MLIP: variants seen among roughly 807,000 people sequenced by gnomAD.
MLIP encodes muscular LMNA-interacting protein.
In MLIP, 79 loss-of-function variants were observed where a neutral mutation model predicts 84.8. That is an observed-to-expected ratio of 0.93 (90% CI 0.78 to 1.12). MLIP has a LOEUF of 1.12. Ranked by LOEUF, MLIP falls within the 50% of genes most tolerant of loss-of-function variation. MLIP has a pLI of 0.00. For synonymous variants in MLIP, 504 were observed against 463.0 expected, an observed-to-expected ratio of 1.09 and a Z score of -1.14; for missense variants, 1,257 against 1,160.6, an observed-to-expected ratio of 1.08 and a Z score of -1.21.
At chr6:54,243,881 A>T (rs1781902571) in intron 12 of MLIP, among the ~76,000 whole-genome samples, 1 of 152,160 alleles carries the variant, frequency 6.6e-6, no homozygotes, top group Non-Finnish European at 1.5e-5. Flanking sequence ...AAGCCCAAAG[A>T]TGCAAAGTGA....
At chr6:54,147,821 T>C (rs1773020936) in intron 4 of MLIP, among the ~76,000 whole-genome samples, 1 of 152,180 alleles carries the variant, frequency 6.6e-6, no homozygotes, top group African/African-American at 2.4e-5. Flanking sequence ...TGACTTTCTA[T>C]GACACTTGCT....
chr6:54,254,933 A>G (rs1782905724), intron 12 of MLIP, among the ~76,000 whole-genome samples: 1 of 151,930 alleles, frequency 6.6e-6, no homozygotes, highest in Non-Finnish European at 1.5e-5. Flanking sequence ...TCCCCTACTT[A>G]AAGTACTTGA....
At position 54,149,146 on chromosome 6, in the gene MLIP, A is replaced by G. The variant is rs1480813412; in HGVS notation, c.2289+19A>G. The G allele has an allele frequency of 1.3e-6, 2 of 1,594,808 alleles. No individual in the cohort carries two copies. Among genetic ancestry groups the G allele is most frequent in the South Asian group, 2.3e-5 (2 of 88,110 alleles). Reference sequence around the variant, plus strand: ...ACAGAAGGTCAGTGTTGGCTCAAAAACAGTGAATTTTACATTTTTAATGTG... The same window carrying G: ...ACAGAAGGTCAGTGTTGGCTCAAAAGCAGTGAATTTTACATTTTTAATGTG... On this transcript the variant is annotated intron_variant, in intron 5 of 13. Coordinates refer to ENST00000502396, the MANE Select transcript of MLIP (RefSeq NM_001281747.2).
chr6:54,121,679 A>C lies in MLIP; in HGVS notation c.252+77A>C, dbSNP rs1002749825. On this transcript the variant is annotated intron_variant, in intron 2 of 13. Transcript: ENST00000502396. ...ATAATGATGACTTGGAAATTTGTGT[A>C]TATTTCCTGTGCTTAAATTAAGGTG... is the stretch of plus-strand genomic sequence containing the variant. 119 of 1,145,238 alleles carry C rather than the reference A, an allele frequency of 1.0e-4. No individual in the cohort carries two copies. In the Middle Eastern group the frequency reaches 2.4e-3, roughly 23 times the overall value. The allele number at this position is 1,145,238 out of a possible 1,614,324, so 70.9% of individuals were successfully genotyped here. A position where few individuals can be genotyped will look rare whatever the true frequency, so the allele number is the denominator to read the frequency against.
At chr6:54,233,403 C>A (rs1339578258) in intron 12 of MLIP, among the ~76,000 whole-genome samples, 1 of 151,816 alleles carries the variant, frequency 6.6e-6, no homozygotes, top group Non-Finnish European at 1.5e-5. Context: ...TGTTCAACTC[C>A]CACTTATGAG....
intron 12 of MLIP, among the ~76,000 whole-genome samples, chr6:54,251,747 A>T (rs1280120278): frequency 1.9e-5 from 2 of 103,178 alleles, no homozygotes; most frequent in African/African-American, 8.5e-5. Flanking sequence ...TATATATAAT[A>T]GCATATAATA....
chr6:54,156,299 T>C (rs1345497700), intron 5 of MLIP, among the ~76,000 whole-genome samples: 1 of 152,088 alleles, frequency 6.6e-6, no homozygotes, highest in African/African-American at 2.4e-5. Flanking sequence ...TTTTTAAAAA[T>C]ACAGCCTGAG....
At chr6:54,126,779 A>G (rs1770956409) in intron 3 of MLIP, among the ~76,000 whole-genome samples, 1 of 152,168 alleles carries the variant, frequency 6.6e-6, no homozygotes, top group Non-Finnish European at 1.5e-5. Context: ...ACAATATCAA[A>G]TTTTTAATCA....
At chr6:54,245,152 C>G (rs1781992732) in intron 12 of MLIP, among the ~76,000 whole-genome samples, 1 of 152,116 alleles carries the variant, frequency 6.6e-6, no homozygotes, top group African/African-American at 2.4e-5. Context: ...AGCCACCTGT[C>G]CCTTCTCCTT....
Position 54,137,074 on chromosome 6 carries a change from T to C in MLIP, c.1005T>C (p.His335=), listed in dbSNP as rs1456801932. 3.9e-6 allele frequency: 6 copies of C among 1,535,998 alleles called. No individual in the cohort carries two copies. Among genetic ancestry groups the C allele is most frequent in the Non-Finnish European group, 5.2e-6 (6 of 1,146,902 alleles). The change falls in exon 4 of 14, where the codon CAT becomes CAC. Residue 335 remains histidine, a synonymous_variant. Transcript: ENST00000502396. ...TCAAGAAGACAACTTTAACCTCGCA[T>C]GTCCTTAGTCACGGAGAAAGTCCGA... ...EVLKKTTLTS[H]VLSHGESPRT... is the part of the protein sequence containing the mutation.
chr6:54,203,050 A>C (rs997520860), intron 11 of MLIP, among the ~76,000 whole-genome samples: 35 of 152,330 alleles, frequency 2.3e-4, no homozygotes, highest in African/African-American at 7.7e-4. Flanking sequence ...ATCGGGGATC[A>C]AGTCATATTT....
intron 1 of MLIP, among the ~76,000 whole-genome samples, chr6:54,084,230 G>A (rs1276537039): frequency 1.3e-5 from 2 of 151,884 alleles, no homozygotes; most frequent in East Asian, 3.9e-4. Flanking sequence ...ACACTCTTTA[G>A]TTGAAGCTTA....
At chr6:54,206,815 C>T (rs995497014) in intron 11 of MLIP, among the ~76,000 whole-genome samples, 11 of 152,156 alleles carry the variant, frequency 7.2e-5, no homozygotes, top group African/African-American at 2.7e-4. Context: ...AGGATAAATA[C>T]CTTTGTCGTA....
At chr6:54,178,642 A>C (rs1162006170) in intron 9 of MLIP, among the ~76,000 whole-genome samples, 1 of 152,078 alleles carries the variant, frequency 6.6e-6, no homozygotes, top group Non-Finnish European at 1.5e-5. Context: ...TAATTTCTTC[A>C]TTGACCCACT....
At chr6:54,170,883 G>T (rs1157525562) in intron 9 of MLIP, among the ~76,000 whole-genome samples, 1 of 151,020 alleles carries the variant, frequency 6.6e-6, no homozygotes, top group Non-Finnish European at 1.5e-5. Flanking sequence ...ATTTAATTGA[G>T]TTCCTTGAGT....
intron 11 of MLIP, chr6:54,215,585 A>T: frequency 5.0e-6 from 1 of 198,872 alleles, no homozygotes; most frequent in Non-Finnish European, 9.5e-6. Flanking sequence ...GTAACTATTA[A>T]TGTACTAGTT....
At chr6:54,141,898 T>C (rs753243600) in intron 4 of MLIP, among the ~76,000 whole-genome samples, 2 of 152,206 alleles carry the variant, frequency 1.3e-5, no homozygotes, top group African/African-American at 2.4e-5. Context: ...TTAAAGCTAT[T>C]TGGACACATA....
At chr6:54,106,161 G>T (rs1259304709) in intron 1 of MLIP, among the ~76,000 whole-genome samples, 1 of 152,148 alleles carries the variant, frequency 6.6e-6, no homozygotes, top group Non-Finnish European at 1.5e-5. Context: ...AAGCCTAGCT[G>T]ACCTCATGAG....
chr6:54,109,605 T>A (rs1437427198), upstream of MLIP, among the ~76,000 whole-genome samples: 3 of 152,060 alleles, frequency 2.0e-5, no homozygotes, highest in Non-Finnish European at 4.4e-5. Context: ...CTTCATAGTT[T>A]CCCTTTCCCC....
Sources: gnomAD v4.1 joint callset for allele counts (sites outside exome capture counted in the v4.1 genomes callset) on GRCh38, gnomAD v4.1.1 for gene constraint, MANE v1.5 for transcripts, NCBI Gene and HGNC (gene_info 2026-07-23, HGNC 2026-07-21) for gene names.